Variants in FAM124A observed in about 807,000 individuals in gnomAD.
FAM124A encodes the protein family with sequence similarity 124 member A, also known as protein FAM124A.
Under a neutral mutation model 24.5 loss-of-function variants are expected in FAM124A, and 23 were observed. The ratio of observed to expected loss-of-function variants is 0.94; its 90% CI spans 0.68 to 1.33. FAM124A has a LOEUF of 1.33. FAM124A is among the 40% of genes most tolerant of loss of function. FAM124A has a pLI of 0.00. For synonymous variants in FAM124A, 287 were observed against 314.7 expected (o/e 0.91, Z 0.93); for missense variants, 623 against 722.8 (o/e 0.86, Z 1.58).
rs1463582656 is a variant in FAM124A, at chr13:51,235,141, G to A, written c.100+3762G>A. Among the ~76,000 whole-genome samples, 4 of 152,186 alleles carry A rather than the reference G, an allele frequency of 2.6e-5. No individual in the cohort carries two copies. In the East Asian group the frequency reaches 7.7e-4, roughly 29 times the overall value. On this transcript the variant is annotated intron_variant, in intron 2 of 3. Coordinates refer to ENST00000322475, the MANE Select transcript of FAM124A (RefSeq NM_001242312.2). ...TTGCCTTTTTCAGATCGACAAGGAAGACGGGATTTTTATTTTTATTTTTTT... is the reference window on the plus strand; with the variant it reads ...TTGCCTTTTTCAGATCGACAAGGAAAACGGGATTTTTATTTTTATTTTTTT...
At chr13:51,268,347 G>A (rs1954808717) in intron 3 of FAM124A, among the ~76,000 whole-genome samples, 1 of 152,136 alleles carries the variant, frequency 6.6e-6, no homozygotes, top group Non-Finnish European at 1.5e-5. Context: ...TCCAGAACTT[G>A]GTCATTATTG....
Position 51,252,198 on chromosome 13 carries a change from A to G in FAM124A, c.831A>G (p.Leu277=), listed in dbSNP as rs761702822. The G allele has an allele frequency of 1.2e-5, 20 of 1,612,506 alleles. No homozygotes were observed. Among genetic ancestry groups the G allele is most frequent in the Admixed American group, 5.0e-5 (3 of 59,990 alleles). Residue 277 remains leucine (L), a synonymous_variant, in exon 3 of 4, where the codon CTA becomes CTG. Coordinates refer to ENST00000322475, the MANE Select transcript of FAM124A (RefSeq NM_001242312.2). ...TEDHDGNKIL[L]QAQRVHKKFP... is the part of the protein sequence containing the mutation. ...ACCATGATGGGAACAAGATCCTCCTACAGGTACTGGGGGGACGCCTGTCTG... is the reference window on the plus strand; with the variant it reads ...ACCATGATGGGAACAAGATCCTCCTGCAGGTACTGGGGGGACGCCTGTCTG...
chr13:51,238,498 T>A (rs985420061), intron 2 of FAM124A, among the ~76,000 whole-genome samples: 1 of 152,248 alleles, frequency 6.6e-6, no homozygotes, highest in Non-Finnish European at 1.5e-5. Context: ...AATATCTAGA[T>A]GAAAAACATT....
At position 51,251,700 on chromosome 13, in the gene FAM124A, C is replaced by T. The variant is rs1330976539; in HGVS notation, c.333C>T (p.Tyr111=). The change falls in exon 3 of 4, where the codon TAC becomes TAT. Residue 111 remains tyrosine (Y), a synonymous_variant. Transcript: ENST00000322475. This position sits in a 1 kb window ranked among gnomAD's most constrained non-coding sequence, Gnocchi z 5.3. ...TGGTGCTGTTCCTGCAGGAGGAGTA[C>T]GGCGAAGAGCAGATCCTGCAGCTGC... ...LAVVLFLQEE[Y]GEEQILQLHR... The T allele has an allele frequency of 5.0e-6, 8 of 1,586,964 alleles. No individual in the cohort carries two copies. The highest frequency in any genetic ancestry group is 4.6e-5 in the East Asian group (2 of 43,424).
At chr13:51,245,558 G>A in intron 2 of FAM124A, 1 of 453,778 alleles carries the variant, frequency 2.2e-6, no homozygotes. Context: ...TTTGTTAAAA[G>A]CAAAATTCTG....
intron 2 of FAM124A, among the ~76,000 whole-genome samples, chr13:51,232,458 A>G (rs548023367): frequency 3.3e-4 from 50 of 152,314 alleles, no homozygotes; most frequent in Admixed American, 2.6e-3. Context: ...GGATTATTCT[A>G]TTTATTGATG....
At chr13:51,243,983 GC>G (rs1411097898) in intron 2 of FAM124A, among the ~76,000 whole-genome samples, 1 of 152,148 alleles carries the variant, frequency 6.6e-6, no homozygotes, top group East Asian at 1.9e-4. Flanking sequence ...GCCACTCAGT[GC>G]CGTTGATGGG....
chr13:51,252,901 T>C (rs757827800), intron 3 of FAM124A: 1 of 152,342 alleles, frequency 6.6e-6, no homozygotes, highest in African/African-American at 2.4e-5. Context: ...TTTAGCTTCA[T>C]CATCAGCTCC....
rs141853570 is a variant in FAM124A, at chr13:51,280,824, C to T, written c.1209C>T (p.Ile403=). Residue 403 remains isoleucine (I), a synonymous_variant, in exon 4 of 4, where the codon ATC becomes ATT. Coordinates refer to ENST00000322475, the MANE Select transcript of FAM124A (RefSeq NM_001242312.2). ...GGAGGCATGGCCACCTCCTCTCCATCGATGACCTAGAGGGGGCCCAGGAGA... is the reference window on the plus strand; with the variant it reads ...GGAGGCATGGCCACCTCCTCTCCATTGATGACCTAGAGGGGGCCCAGGAGA... ...SEWRHGHLLS[I]DDLEGAQETD... is the part of the protein sequence containing the mutation. The T allele has an allele frequency of 1.7e-4, 269 of 1,614,092 alleles. No individual in the cohort carries two copies. In the African/African-American group the frequency reaches 3.1e-3, roughly 18 times the overall value.
intron 3 of FAM124A, among the ~76,000 whole-genome samples, chr13:51,279,292 A>G (rs1370236240): frequency 6.6e-6 from 1 of 152,162 alleles, no homozygotes; most frequent in Non-Finnish European, 1.5e-5. Context: ...CCCAGCTGTG[A>G]CACCTCTTAG....
chr13:51,266,380 A>G (rs911261340), intron 3 of FAM124A, among the ~76,000 whole-genome samples: 1 of 152,044 alleles, frequency 6.6e-6, no homozygotes, highest in African/African-American at 2.4e-5. Context: ...TGTACTTTTA[A>G]TGTGCATTAG....
intron 3 of FAM124A, among the ~76,000 whole-genome samples, chr13:51,256,675 A>G (rs75468158): frequency 0.012 from 1,870 of 152,288 alleles, 36 homozygotes; most frequent in African/African-American, 0.042. Context: ...CTTATTTTGT[A>G]ATTGTTAATT....
At chr13:51,276,021 A>T (rs1167559281) in intron 3 of FAM124A, among the ~76,000 whole-genome samples, 2 of 152,232 alleles carry the variant, frequency 1.3e-5, no homozygotes, top group Non-Finnish European at 2.9e-5. Context: ...AGTCATGGAG[A>T]TACAAACGAG....
At chr13:51,278,090 A>G (rs554197744) in intron 3 of FAM124A, among the ~76,000 whole-genome samples, 1 of 152,324 alleles carries the variant, frequency 6.6e-6, no homozygotes, top group Non-Finnish European at 1.5e-5. Context: ...GAGCTTCTGG[A>G]TTCCAGGGAG....
At chr13:51,245,337 A>G in intron 2 of FAM124A, 1 of 692,906 alleles carries the variant, frequency 1.4e-6, no homozygotes, top group Non-Finnish European at 2.7e-6. Flanking sequence ...GGCGGATGCC[A>G]TGTTGCCTGT....
intron 3 of FAM124A, among the ~76,000 whole-genome samples, chr13:51,254,105 G>C (rs899605664): frequency 6.6e-6 from 1 of 152,120 alleles, no homozygotes; most frequent in Admixed American, 6.6e-5. Flanking sequence ...TAGGTCTTGG[G>C]GGGAGGAGCA....
Position 51,282,016 on chromosome 13 carries a change from GA to G in FAM124A, c.*762del, listed in dbSNP as rs1480031957. The G allele has an allele frequency of 6.6e-6, 1 of 152,186 alleles. No homozygotes were observed. Among genetic ancestry groups the G allele is most frequent in the African/African-American group, 2.4e-5 (1 of 41,448 alleles). 9.4% of individuals were successfully genotyped at this position (152,186 alleles called of 1,614,324 possible). A position where few individuals can be genotyped will look rare whatever the true frequency, so the allele number is the denominator to read the frequency against. The stretch of plus-strand genomic sequence containing the variant: ...TCACTGGAATGGATGAGGGGCTTCT[GA>G]AGACCACTCCACTACCTGAATTTAT... On this transcript the variant is annotated 3_prime_UTR_variant, in exon 4 of 4. Coordinates refer to ENST00000322475, the MANE Select transcript of FAM124A (RefSeq NM_001242312.2).
chr13:51,281,343 A>G lies in FAM124A; in HGVS notation c.*87A>G, dbSNP rs567158311. Reference sequence around the variant, plus strand: ...CCCCTCTGGCCACTGAGCACACCACATTCTTCATGATCCATTTCCCAGGAG... The same window carrying G: ...CCCCTCTGGCCACTGAGCACACCACGTTCTTCATGATCCATTTCCCAGGAG... On this transcript the variant is annotated 3_prime_UTR_variant, in exon 4 of 4. Transcript: ENST00000322475. 5.4e-4 allele frequency: 684 copies of G among 1,277,388 alleles called. 6 individuals carry two copies. The African/African-American group carries it at 9.3e-3, about 17-fold the overall frequency. 79.1% of individuals were successfully genotyped at this position (1,277,388 alleles called of 1,614,324 possible).
intron 1 of FAM124A, among the ~76,000 whole-genome samples, chr13:51,223,226 A>G (rs934386837): frequency 2.8e-4 from 43 of 151,084 alleles, no homozygotes; most frequent in African/African-American, 1.0e-3. Context: ...TCTTCGCTTC[A>G]GCGGACTCAA....
Sources: allele counts gnomAD v4.1 joint callset (sites outside exome capture counted in the v4.1 genomes callset), GRCh38; gene constraint gnomAD v4.1.1; non-coding constraint Gnocchi (gnomAD v3.1); transcripts MANE v1.5; gene names NCBI Gene and HGNC (gene_info 2026-07-23, HGNC 2026-07-21).